The following DCPS variants were observed in gnomAD, a reference collection of about 807,000 sequenced individuals.
The protein encoded by DCPS is decapping enzyme, scavenger, also known as m7GpppX diphosphatase.
DCPS carries 27 observed loss-of-function variants against 34.7 expected under a neutral mutation model. The observed-to-expected ratio is 0.78, with a 90% CI of 0.57 to 1.07. The LOEUF is 1.07. Among genes scored for constraint, DCPS ranks in the 50% least tolerant of loss-of-function variants. The probability of loss-of-function intolerance (pLI) is 0.00; values close to 1 mark genes in which losing one functional copy is unlikely to be tolerated. For missense variants in DCPS, 464 were observed against 436.9 expected, an observed-to-expected ratio of 1.06 and a Z score of -0.55; for synonymous variants, 185 against 185.7, an observed-to-expected ratio of 1.00 and a Z score of 0.03.
At position 126,322,737 on chromosome 11, in the gene DCPS, C is replaced by T. The variant is rs567378814; in HGVS notation, c.377-8668C>T. Reference sequence around the variant, plus strand: ...CTTCCTGAGTAGCTGGGACTACAGGCGCGTGCCATCACGCCCAGCTAATTT... The same window carrying T: ...CTTCCTGAGTAGCTGGGACTACAGGTGCGTGCCATCACGCCCAGCTAATTT... On this transcript the variant is annotated intron_variant, in intron 2 of 5. Transcript: ENST00000263579. The surrounding 1 kb of genome is among the most constrained non-coding windows in gnomAD (Gnocchi z 4.2). Among the ~76,000 whole-genome samples, 2 of 152,186 alleles carry T rather than the reference C, an allele frequency of 1.3e-5. No individual in the cohort carries two copies. The highest frequency in any genetic ancestry group is 4.1e-4 in the South Asian group (2 of 4,828).
At position 126,345,460 on chromosome 11, in the gene DCPS, C is replaced by T. The variant is rs768778965; in HGVS notation, c.861C>T (p.Ala287=). 2.1e-4 allele frequency: 345 copies of T among 1,614,146 alleles called. No homozygotes were observed. The highest frequency in any genetic ancestry group is 2.8e-4 in the Non-Finnish European group (325 of 1,180,024). The change falls in exon 6 of 6, where the codon GCC becomes GCT. Residue 287 remains alanine, a synonymous_variant. Transcript: ENST00000263579. This position sits in a 1 kb window ranked among gnomAD's most constrained non-coding sequence, Gnocchi z 7.4. ...ACTTCACCGCCCTGGGCTTCGAGGC[C>T]CCCGGCTCAGGCGTGGAGCGGGCCC... is the stretch of plus-strand genomic sequence containing the variant. The part of the protein sequence containing the change: ...HVHFTALGFE[A]PGSGVERAHL...
In DCPS at chr11:126,320,499, A is replaced by G. The variant is rs1305753276; in HGVS notation, c.377-10906A>G. Among the ~76,000 whole-genome samples the G allele has an allele frequency of 6.6e-6, 1 of 151,988 alleles. No individual in the cohort carries two copies. Among genetic ancestry groups the G allele is most frequent in the Non-Finnish European group, 1.5e-5 (1 of 67,918 alleles). ...ATTAAAGGAATATTCTTAAAAAAAA[A>G]TTAACCCATCAAGACTACAAGGGCG... On this transcript the variant is annotated intron_variant, in intron 2 of 5. Coordinates refer to ENST00000263579, the MANE Select transcript of DCPS (RefSeq NM_014026.6). The surrounding 1 kb of genome is among the most constrained non-coding windows in gnomAD (Gnocchi z 4.7).
intron 2 of DCPS, 140 bp downstream of exon 2, chr11:126,306,884 G>A: frequency 9.4e-7 from 1 of 1,068,500 alleles, no homozygotes. Flanking sequence ...GGGACATTTG[G>A]CCATCGGTGA....
At position 126,332,207 on chromosome 11, in the gene DCPS, A is replaced by G. The variant is rs372837532; in HGVS notation, c.522+657A>G. Among the ~76,000 whole-genome samples the G allele has an allele frequency of 7.9e-5, 12 of 152,194 alleles. No individual in the cohort carries two copies. Among genetic ancestry groups the G allele is most frequent in the African/African-American group, 2.9e-4 (12 of 41,532 alleles). ...TTCGTCCAAAAGAAGGCAGGACCCC[A>G]TTGGCCCCGGGGATTTGGTGCAGGG... is the stretch of plus-strand genomic sequence containing the variant. On this transcript the variant is annotated intron_variant, in intron 3 of 5. Coordinates refer to ENST00000263579, the MANE Select transcript of DCPS (RefSeq NM_014026.6). This position sits in a 1 kb window ranked among gnomAD's most constrained non-coding sequence, Gnocchi z 5.4.
Position 126,338,273 on chromosome 11 carries a change from C to T in DCPS, c.523-13C>T, listed in dbSNP as rs944875476. On this transcript the variant is annotated splice_polypyrimidine_tract_variant and intron_variant, in intron 3 of 5. Coordinates refer to ENST00000263579, the MANE Select transcript of DCPS (RefSeq NM_014026.6). This position sits in a 1 kb window ranked among gnomAD's most constrained non-coding sequence, Gnocchi z 5.4. ...AGTGGATTTGTGAACCATCTCTCTC[C>T]CCCTCCTTTCAGTGGGTGTATAACA... is the stretch of plus-strand genomic sequence containing the variant. 1 of 1,612,936 alleles carries T rather than the reference C, an allele frequency of 6.2e-7. No homozygotes were observed. The highest frequency in any genetic ancestry group is 1.1e-5 in the South Asian group (1 of 91,054).
rs190946640 is a variant in DCPS, at chr11:126,331,538, C to T, written c.510C>T (p.Ser170=). 2.5e-5 allele frequency: 40 copies of T among 1,614,012 alleles called. No individual in the cohort carries two copies. The African/African-American group carries it at 3.7e-4, about 15-fold the overall frequency. ...NITLPHLESQ[S]LSIQWVYNIL... ...CTTTACCCCACCTGGAGTCCCAGAG[C>T]CTCAGCATCCAGGTGACTGGCTGCA... The change falls in exon 3 of 6, where the codon AGC becomes AGT. Residue 170 remains serine, a synonymous_variant. Transcript: ENST00000263579. This position sits in a 1 kb window ranked among gnomAD's most constrained non-coding sequence, Gnocchi z 7.2.
At position 126,337,593 on chromosome 11, in the gene DCPS, G is replaced by A. The variant is rs1247340353; in HGVS notation, c.523-693G>A. ...CTGGGAGCCCTGGGTAGCCCTGAAAGGTCTTGGTGAGGTCACTGTCTCTGT... is the reference window on the plus strand; with the variant it reads ...CTGGGAGCCCTGGGTAGCCCTGAAAAGTCTTGGTGAGGTCACTGTCTCTGT... On this transcript the variant is annotated intron_variant, in intron 3 of 5. Coordinates refer to ENST00000263579, the MANE Select transcript of DCPS (RefSeq NM_014026.6). This position sits in a 1 kb window ranked among gnomAD's most constrained non-coding sequence, Gnocchi z 5.3. 1.3e-5 allele frequency: 2 copies of A among 152,398 alleles called. No individual in the cohort carries two copies. The highest frequency in any genetic ancestry group is 6.5e-5 in the Admixed American group (1 of 15,290). 9.4% of individuals were successfully genotyped at this position (152,398 alleles called of 1,614,324 possible).
Position 126,345,205 on chromosome 11 carries a change from A to G in DCPS, c.748-142A>G. The G allele has an allele frequency of 9.1e-7, 1 of 1,103,768 alleles. No individual in the cohort carries two copies. 68.4% of individuals were successfully genotyped at this position (1,103,768 alleles called of 1,614,324 possible). ...GACAGAGGAAGCTGAAGCAGACAGC[A>G]GGTAGAGAGCTGTTTGGAGGGTTTT... On this transcript the variant is annotated intron_variant, in intron 5 of 5. Coordinates refer to ENST00000263579, the MANE Select transcript of DCPS (RefSeq NM_014026.6). This position sits in a 1 kb window ranked among gnomAD's most constrained non-coding sequence, Gnocchi z 7.4.
chr11:126,330,041 G>A (rs1565376934), intron 2 of DCPS, among the ~76,000 whole-genome samples: 1 of 152,166 alleles, frequency 6.6e-6, no homozygotes, highest in Non-Finnish European at 1.5e-5. Flanking sequence ...GATGACAATT[G>A]TACCAGATGT....
In DCPS at chr11:126,335,865, C is replaced by T. The variant is rs942860441; in HGVS notation, c.523-2421C>T. Among the ~76,000 whole-genome samples the T allele has an allele frequency of 5.3e-5, 8 of 152,208 alleles. No individual in the cohort carries two copies. The highest frequency in any genetic ancestry group is 4.1e-4 in the South Asian group (2 of 4,822). ...ACTTGAACCTGGGAGGTGGAGGTTG[C>T]AGTGAGCTGAGATCACGCCATTGCA... is the stretch of plus-strand genomic sequence containing the variant. On this transcript the variant is annotated intron_variant, in intron 3 of 5. Transcript: ENST00000263579. The surrounding 1 kb of genome is among the most constrained non-coding windows in gnomAD (Gnocchi z 4.8).
At position 126,333,266 on chromosome 11, in the gene DCPS, T is replaced by C. The variant is rs1951805837; in HGVS notation, c.522+1716T>C. 6.6e-6 allele frequency among the ~76,000 whole-genome samples: 1 copy of C among 152,344 alleles called. No homozygotes were observed. Among genetic ancestry groups the C allele is most frequent in the East Asian group, 1.9e-4 (1 of 5,188 alleles). On this transcript the variant is annotated intron_variant, in intron 3 of 5. Transcript: ENST00000263579. This position sits in a 1 kb window ranked among gnomAD's most constrained non-coding sequence, Gnocchi z 5.7. Reference sequence around the variant, plus strand: ...TCATGTATTCCTTCTTGGCTATTTCTAGTTTACAAGCACTCAGCTTAACTG... The same window carrying C: ...TCATGTATTCCTTCTTGGCTATTTCCAGTTTACAAGCACTCAGCTTAACTG...
rs1473319687 is a variant in DCPS, at chr11:126,329,816, C to G, written c.377-1589C>G. Reference sequence around the variant, plus strand: ...GAAAGTATAGGTTGATAGTTCTTAGCCGGGTTTTGCGGTGTGTGAGTGAGT... The same window carrying G: ...GAAAGTATAGGTTGATAGTTCTTAGGCGGGTTTTGCGGTGTGTGAGTGAGT... On this transcript the variant is annotated intron_variant, in intron 2 of 5. Coordinates refer to ENST00000263579, the MANE Select transcript of DCPS (RefSeq NM_014026.6). This position sits in a 1 kb window ranked among gnomAD's most constrained non-coding sequence, Gnocchi z 5.0. Among the ~76,000 whole-genome samples the G allele has an allele frequency of 1.3e-5, 2 of 152,202 alleles. No individual in the cohort carries two copies. Among genetic ancestry groups the G allele is most frequent in the Non-Finnish European group, 2.9e-5 (2 of 68,026 alleles).
At position 126,332,218 on chromosome 11, in the gene DCPS, G is replaced by C. The variant is rs913114185; in HGVS notation, c.522+668G>C. Among the ~76,000 whole-genome samples the C allele has an allele frequency of 2.0e-5, 3 of 152,314 alleles. No homozygotes were observed. In the East Asian group the frequency reaches 5.8e-4, roughly 29 times the overall value. On this transcript the variant is annotated intron_variant, in intron 3 of 5. Coordinates refer to ENST00000263579, the MANE Select transcript of DCPS (RefSeq NM_014026.6). The surrounding 1 kb of genome is among the most constrained non-coding windows in gnomAD (Gnocchi z 5.4). ...GAAGGCAGGACCCCATTGGCCCCGG[G>C]GATTTGGTGCAGGGACTCCATTCAC...
chr11:126,326,425 C>G (rs988831557), intron 2 of DCPS, among the ~76,000 whole-genome samples: 4 of 152,196 alleles, frequency 2.6e-5, no homozygotes, highest in Non-Finnish European at 5.9e-5. Context: ...GCCTCAGTTT[C>G]CTCATATGTA....
chr11:126,321,516 A>G (rs958195807), intron 2 of DCPS, among the ~76,000 whole-genome samples: 1 of 152,178 alleles, frequency 6.6e-6, no homozygotes, highest in African/African-American at 2.4e-5. Flanking sequence ...AGCCCGAGAG[A>G]AAACCTAAAC....
At chr11:126,316,249 C>T (rs1481105496) in intron 2 of DCPS, among the ~76,000 whole-genome samples, 2 of 152,080 alleles carry the variant, frequency 1.3e-5, no homozygotes, top group East Asian at 1.9e-4. Flanking sequence ...CTTGTCCAAC[C>T]CGCAGCCCAG....
chr11:126,328,848 C>T lies in DCPS; in HGVS notation c.377-2557C>T, dbSNP rs1031099254. On this transcript the variant is annotated intron_variant, in intron 2 of 5. Coordinates refer to ENST00000263579, the MANE Select transcript of DCPS (RefSeq NM_014026.6). This position sits in a 1 kb window ranked among gnomAD's most constrained non-coding sequence, Gnocchi z 6.6. ...CATGTGAGGCACTTCCTGAATCTTT[C>T]CTTCTACTGACTCGTTTAATTCTCC... Among the ~76,000 whole-genome samples, 1 of 152,224 alleles carries T rather than the reference C, an allele frequency of 6.6e-6. No individual in the cohort carries two copies. Among genetic ancestry groups the T allele is most frequent in the Admixed American group, 6.5e-5 (1 of 15,284 alleles).
At position 126,347,309 on chromosome 11, in the gene DCPS, T is replaced by C. The variant is rs530827260; in HGVS notation, c.*1696T>C. ...CACAATCTCGACTCACTGCAACCTC[T>C]GCCTCCTGGGTTCAAGTGATTCTCC... On this transcript the variant is annotated 3_prime_UTR_variant, in exon 6 of 6. Transcript: ENST00000263579. This position sits in a 1 kb window ranked among gnomAD's most constrained non-coding sequence, Gnocchi z 4.2. Among the ~76,000 whole-genome samples the C allele has an allele frequency of 6.7e-6, 1 of 150,262 alleles. No individual in the cohort carries two copies. Among genetic ancestry groups the C allele is most frequent in the East Asian group, 2.1e-4 (1 of 4,846 alleles).
rs1406830791 is a variant in DCPS at position 126,335,523 on chromosome 11, G to T, written c.523-2763G>T. ...GCCACTGTCCCAGAGGCCTCTCCCA[G>T]GAGACAGGATGTACCTTGGCCCAGG... On this transcript the variant is annotated intron_variant, in intron 3 of 5. Coordinates refer to ENST00000263579, the MANE Select transcript of DCPS (RefSeq NM_014026.6). The surrounding 1 kb of genome is among the most constrained non-coding windows in gnomAD (Gnocchi z 4.8). 6.6e-6 allele frequency among the ~76,000 whole-genome samples: 1 copy of T among 152,238 alleles called. No homozygotes were observed. The highest frequency in any genetic ancestry group is 1.5e-5 in the Non-Finnish European group (1 of 68,036).
Sources: gnomAD v4.1 joint callset for allele counts (sites outside exome capture counted in the v4.1 genomes callset) on GRCh38, gnomAD v4.1.1 for gene constraint, Gnocchi (gnomAD v3.1) non-coding constraint, MANE v1.5 for transcripts, NCBI Gene and HGNC (gene_info 2026-07-23, HGNC 2026-07-21) for gene names.